ZC3H13: variants seen among roughly 807,000 people sequenced by gnomAD.
The protein encoded by ZC3H13 is zinc finger CCCH-type containing 13, also known as zinc finger CCCH domain-containing protein 13.
In ZC3H13, 64 loss-of-function variants were observed where a neutral mutation model predicts 204.1. The ratio of observed to expected loss-of-function variants is 0.31; its 90% CI spans 0.26 to 0.39. The LOEUF (loss-of-function observed/expected upper bound fraction) is 0.39. Among genes scored for constraint, ZC3H13 ranks in the 10% least tolerant of loss-of-function variants. ZC3H13 has a pLI of 1.00. For synonymous variants in ZC3H13, 667 were observed against 693.7 expected (o/e 0.96, Z 0.60); for missense variants, 1,833 against 2,082.7 (o/e 0.88, Z 2.33).
chr13:45,990,923 C>G (rs2039926657), intron 8 of ZC3H13, among the ~76,000 whole-genome samples: 1 of 152,146 alleles, frequency 6.6e-6, no homozygotes, highest in East Asian at 1.9e-4. Flanking sequence ...CCCACCTCAG[C>G]CTCCCGAGCA....
chr13:45,961,374 C>G (rs189103833), intron 17 of ZC3H13, among the ~76,000 whole-genome samples: 1 of 151,916 alleles, frequency 6.6e-6, no homozygotes, highest in African/African-American at 2.4e-5. Flanking sequence ...ACCTGCAAAC[C>G]TCCTCAGGGA....
chr13:46,049,738 G>A (rs1566378601), intron 1 of ZC3H13, among the ~76,000 whole-genome samples: 1 of 152,124 alleles, frequency 6.6e-6, no homozygotes, highest in African/African-American at 2.4e-5. Flanking sequence ...GATTTTCGGG[G>A]CGGGAAACTT....
chr13:46,004,359 G>A (rs1298983156), intron 7 of ZC3H13, among the ~76,000 whole-genome samples: 2 of 152,052 alleles, frequency 1.3e-5, no homozygotes, highest in East Asian at 3.9e-4. Flanking sequence ...GGCCAACATG[G>A]TGAAACCCTA....
At chr13:45,998,777 G>A (rs1378199500) in intron 8 of ZC3H13, among the ~76,000 whole-genome samples, 1 of 152,340 alleles carries the variant, frequency 6.6e-6, no homozygotes, top group Non-Finnish European at 1.5e-5. Flanking sequence ...TGATGCTGAT[G>A]GCTGTTGACT....
At position 45,967,707 on chromosome 13, in the gene ZC3H13, C is replaced by A. The variant is rs1952211882; in HGVS notation, c.4118G>T (p.Arg1373Ile). ...ISDSVERDRD[R>I]DRDRTFESSQ... ...ACTCTCAAAAGTTCTGTCTCTGTCT[C>A]TGTCCCTGTCCCTTTCAACAGAATC... The change falls in exon 15 of 19, where the codon AGA (arginine) becomes ATA (isoleucine). Residue 1373 changes from arginine to isoleucine, a missense_variant. Around this residue, in one of 5 missense-constraint regions of ZC3H13, gnomAD observed 1,574 missense variants for 1,757.2 expected, o/e 0.90. Coordinates refer to ENST00000679008, the MANE Select transcript of ZC3H13 (RefSeq NM_001330564.2). The A allele has an allele frequency of 6.2e-7, 1 of 1,613,494 alleles. No individual in the cohort carries two copies. Among genetic ancestry groups the A allele is most frequent in the African/African-American group, 1.3e-5 (1 of 75,056 alleles).
intron 5 of ZC3H13, among the ~76,000 whole-genome samples, chr13:46,019,122 C>G (rs1411704336): frequency 6.6e-6 from 1 of 152,088 alleles, no homozygotes; most frequent in Non-Finnish European, 1.5e-5. Flanking sequence ...AAAGATGGAA[C>G]AGGTTTCCTT....
intron 14 of ZC3H13, 58 bp downstream of exon 14, chr13:45,968,690 G>A (rs1952299057): frequency 4.0e-6 from 6 of 1,498,594 alleles, no homozygotes; most frequent in South Asian, 2.8e-5. Context: ...GAATTAAAAT[G>A]TGTATAAAAT....
chr13:46,010,428 T>C lies in ZC3H13; in HGVS notation c.666A>G (p.Lys222=), dbSNP rs1280919632. The C allele has an allele frequency of 2.7e-5, 44 of 1,613,668 alleles. No homozygotes were observed. The highest frequency in any genetic ancestry group is 3.7e-5 in the Non-Finnish European group (44 of 1,179,810). Residue 222 remains lysine, a synonymous_variant, in exon 7 of 19, where the codon AAA becomes AAG. Transcript: ENST00000679008. ...LRKSSKSPKR[K]SSPKSSSASK... is the part of the protein sequence containing the mutation. ...TAGCTGAAGACGACTTCGGGCTTGA[T>C]TTTCGCTTCGGAGATTTGCTAGACT...
At chr13:46,006,840 G>A (rs999449205) in intron 7 of ZC3H13, among the ~76,000 whole-genome samples, 2 of 149,942 alleles carry the variant, frequency 1.3e-5, no homozygotes, top group African/African-American at 2.5e-5. Context: ...CACTCATAGC[G>A]TTAACCATGT....
rs1951283374 is a variant in ZC3H13, at chr13:45,956,508, G to C, written c.*619C>G. 6.6e-6 allele frequency: 1 copy of C among 151,976 alleles called. No individual in the cohort carries two copies. The highest frequency in any genetic ancestry group is 6.6e-5 in the Admixed American group (1 of 15,256). 9.4% of individuals were successfully genotyped at this position (151,976 alleles called of 1,614,324 possible). ...TACACAATCTCTGATAACAAAAAAA[G>C]CATTTAGGGTCAAAAGACATCCAAC... On this transcript the variant is annotated 3_prime_UTR_variant, in exon 19 of 19. Transcript: ENST00000679008.
At chr13:45,988,246 T>TTTA (rs1219194228) in intron 9 of ZC3H13, among the ~76,000 whole-genome samples, 6 of 151,968 alleles carry the variant, frequency 3.9e-5, no homozygotes, top group Non-Finnish European at 5.9e-5. Flanking sequence ...CAGAACATCT[T>TTTA]TTATTATTAT....
In ZC3H13 at chr13:45,981,084, T is replaced by TA. The variant is rs1566196244; in HGVS notation, c.1721-1081_1721-1080insT. Among the ~76,000 whole-genome samples the TA allele has an allele frequency of 9.2e-5, 14 of 151,710 alleles. No homozygotes were observed. The East Asian group carries it at 9.7e-4, about 10-fold the overall frequency. ...TAATTACTTCAAAACAAAATGAAAT[T>TA]TAAAAAAAAGCTTTTTTTGAGCAGT... On this transcript the variant is annotated intron_variant, in intron 10 of 18. Coordinates refer to ENST00000679008, the MANE Select transcript of ZC3H13 (RefSeq NM_001330564.2).
At chr13:45,971,085 C>T (rs1295450321) in intron 12 of ZC3H13, among the ~76,000 whole-genome samples, 1 of 152,116 alleles carries the variant, frequency 6.6e-6, no homozygotes, top group Non-Finnish European at 1.5e-5. Flanking sequence ...TGTGGGTACA[C>T]CATAAAATTA....
chr13:45,988,287 T>C (rs761948344), intron 9 of ZC3H13, among the ~76,000 whole-genome samples: 45 of 152,296 alleles, frequency 3.0e-4, no homozygotes, highest in Non-Finnish European at 5.4e-4. Context: ...AGATGGAGTC[T>C]TGCACTGTTG....
chr13:46,006,666 C>T (rs2041170598), intron 7 of ZC3H13, among the ~76,000 whole-genome samples: 1 of 116,304 alleles, frequency 8.6e-6, no homozygotes, highest in Non-Finnish European at 1.7e-5. Flanking sequence ...AACTTATTTC[C>T]TATCATGCTG....
chr13:46,024,955 T>C (rs187154216), intron 4 of ZC3H13, among the ~76,000 whole-genome samples: 2 of 152,346 alleles, frequency 1.3e-5, no homozygotes, highest in Admixed American at 1.3e-4. Context: ...CCTAACAGTT[T>C]CTGAGCTTCC....
chr13:45,967,601 G>A lies in ZC3H13; in HGVS notation c.4224C>T (p.Asp1408=). 1 of 1,614,054 alleles carries A rather than the reference G, an allele frequency of 6.2e-7. No individual in the cohort carries two copies. The highest frequency in any genetic ancestry group is 8.5e-7 in the Non-Finnish European group (1 of 1,179,984). ...TTCTCTCTTTATCCAAGGCTAGAGA[G>A]TCTCGGGAAGTGCTTTCTAGATCCC... The part of the protein sequence containing the change: ...HERDLESTSR[D]SLALDKERMD... Residue 1408 remains aspartate (D), a synonymous_variant, in exon 15 of 19, where the codon GAC becomes GAT. Transcript: ENST00000679008.
At chr13:46,014,614 A>G (rs2041801390) in intron 5 of ZC3H13, among the ~76,000 whole-genome samples, 1 of 152,134 alleles carries the variant, frequency 6.6e-6, no homozygotes, top group South Asian at 2.1e-4. Context: ...TCATTAACTG[A>G]TTTCAGACAC....
chr13:46,006,713 C>CATATATATATAT lies in ZC3H13; in HGVS notation c.747-3389_747-3378dup, dbSNP rs71184435. On this transcript the variant is annotated intron_variant, in intron 7 of 18. Transcript: ENST00000679008. The stretch of plus-strand genomic sequence containing the variant: ...TTCTCAAGTCCCAAGAGTTCTTAGC[C>CATATATATATAT]ATATATATATATGAGATAGTATCTA... Among the ~76,000 whole-genome samples, 477 of 63,824 alleles carry CATATATATATAT rather than the reference C, an allele frequency of 7.5e-3. 112 individuals are homozygous for CATATATATATAT. The highest frequency in any genetic ancestry group is 0.028 in the African/African-American group (370 of 13,194). The allele number at this position is 63,824 out of a possible 152,430, so 41.9% of individuals were successfully genotyped here. A position where few individuals can be genotyped will look rare whatever the true frequency, so the allele number is the denominator to read the frequency against.
Sources: allele counts gnomAD v4.1 joint callset (sites outside exome capture counted in the v4.1 genomes callset), GRCh38; gene constraint gnomAD v4.1.1; regional missense constraint gnomAD v4.1.1; transcripts MANE v1.5; gene names NCBI Gene and HGNC (gene_info 2026-07-23, HGNC 2026-07-21).